NDUFAF7: variants seen among roughly 807,000 people sequenced by gnomAD.
NDUFAF7 encodes the protein NADH:ubiquinone oxidoreductase complex assembly factor 7.
Under a neutral mutation model 47.2 loss-of-function variants are expected in NDUFAF7, and 48 were observed. That is an observed-to-expected ratio of 1.02 (90% CI 0.81 to 1.29). NDUFAF7 has a LOEUF of 1.29. Among genes scored for constraint, NDUFAF7 ranks in the 50% most tolerant of loss-of-function variants. NDUFAF7 has a pLI of 0.00. For synonymous variants in NDUFAF7, 217 were observed against 190.0 expected, an observed-to-expected ratio of 1.14 and a Z score of -1.17; for missense variants, 635 against 537.6, an observed-to-expected ratio of 1.18 and a Z score of -1.79.
intron 1 of NDUFAF7, 128 bp from the exon 2 acceptor site, chr2:37,231,978 C>T: frequency 6.2e-7 from 1 of 1,601,072 alleles, no homozygotes; most frequent in East Asian, 2.2e-5. Context: ...GTGCTAAGCA[C>T]AGTAGCCCGC....
downstream of NDUFAF7, among the ~76,000 whole-genome samples, chr2:37,256,478 A>G (rs191797816): frequency 6.6e-6 from 1 of 152,306 alleles, no homozygotes; most frequent in East Asian, 1.9e-4. Context: ...TACAGAAGAC[A>G]CAGATAAAAG....
At chr2:37,259,821 G>A in the NDUFAF7 span, 1 of 618,494 alleles carries the variant, frequency 1.6e-6, no homozygotes, top group South Asian at 2.2e-5. Flanking sequence ...GCTCCTTAAG[G>A]TTAACAATTC....
At chr2:37,269,709 TTAG>T in the NDUFAF7 span, 1 of 1,513,732 alleles carries the variant, frequency 6.6e-7, no homozygotes, top group Non-Finnish European at 9.1e-7. Context: ...AAGTAAGGAG[TTAG>T]TATTATTTAT....
downstream of NDUFAF7, among the ~76,000 whole-genome samples, chr2:37,249,558 G>GACACACACAC (rs56374800): frequency 0.01 from 1,318 of 128,364 alleles, 23 homozygotes; most frequent in African/African-American, 0.018. Context: ...GCCTGTGATA[G>GACACACACAC]ACACACACAC....
chr2:37,260,834 T>A, the NDUFAF7 span, among the ~76,000 whole-genome samples: 1 of 152,346 alleles, frequency 6.6e-6, no homozygotes, highest in South Asian at 2.1e-4. Flanking sequence ...TTGATTCTTA[T>A]AATATTATAA....
downstream of NDUFAF7, chr2:37,252,044 T>C (rs535343510): frequency 1.3e-5 from 2 of 152,306 alleles, no homozygotes; most frequent in East Asian, 3.9e-4. Context: ...CTTCTTTCAT[T>C]CTTTAATTTG....
chr2:37,245,020 G>C (rs2148433355), intron 7 of NDUFAF7, among the ~76,000 whole-genome samples: 1 of 152,320 alleles, frequency 6.6e-6, no homozygotes, highest in East Asian at 1.9e-4. Flanking sequence ...TGATCAGCGT[G>C]TCCACTGATG....
At chr2:37,242,143 A>G (rs929226119) in intron 5 of NDUFAF7, 28 of 295,534 alleles carry the variant, frequency 9.5e-5, no homozygotes, top group Non-Finnish European at 1.8e-4. Flanking sequence ...GTTCAGTTAT[A>G]GAGTCTTTTA....
At position 37,246,128 on chromosome 2, in the gene NDUFAF7, C is replaced by G; in HGVS notation, c.869C>G (p.Ala290Gly). ...ATCGAGGAACTTTCTCAACGCATTG[C>G]ATTAACTGGAGGTGCTGCACTGGTT... The part of the protein sequence containing the change: ...VIIEELSQRI[A>G]LTGGAALVAD... Residue 290 changes from alanine (A) to glycine (G), a missense_variant, in exon 8 of 10, where the codon GCA becomes GGA. Transcript: ENST00000002125. 6.2e-7 allele frequency: 1 copy of G among 1,613,860 alleles called. No individual in the cohort carries two copies. Among genetic ancestry groups the G allele is most frequent in the Non-Finnish European group, 8.5e-7 (1 of 1,179,856 alleles).
intron 8 of NDUFAF7, 112 bp from the exon 9 acceptor site, chr2:37,247,344 C>G (rs1209810412): frequency 4.2e-5 from 55 of 1,296,900 alleles, no homozygotes; most frequent in Non-Finnish European, 6.0e-5. Context: ...AATGAGAGCT[C>G]TATTCCGTCA....
At chr2:37,269,548 CA>C in the NDUFAF7 span, 1 of 1,369,978 alleles carries the variant, frequency 7.3e-7, no homozygotes, top group Non-Finnish European at 1.0e-6. Flanking sequence ...AAACAGCTGG[CA>C]GATGTTTTAC....
Position 37,248,641 on chromosome 2 carries a change from G to A in NDUFAF7, c.*291G>A, listed in dbSNP as rs1667176064. On this transcript the variant is annotated 3_prime_UTR_variant, in exon 10 of 10. Coordinates refer to ENST00000002125, the MANE Select transcript of NDUFAF7 (RefSeq NM_144736.5). ...TTAAAAAGTAAACATGCGGCTGGGC[G>A]TGGTGGCTCATGCCTGTAATCCCAG... 2.1e-5 allele frequency: 8 copies of A among 379,938 alleles called. No individual in the cohort carries two copies. The highest frequency in any genetic ancestry group is 8.4e-5 in the African/African-American group (4 of 47,650). 23.5% of individuals were successfully genotyped at this position (379,938 alleles called of 1,614,324 possible).
intron 8 of NDUFAF7, 118 bp from the exon 9 acceptor site, chr2:37,247,336 TGA>T (rs1172633931): frequency 9.9e-6 from 12 of 1,215,264 alleles, no homozygotes; most frequent in African/African-American, 1.5e-5. Context: ...AGAGAATTAA[TGA>T]GAGCTCTATT....
chr2:37,267,509 A>G, the NDUFAF7 span: 2 of 1,610,938 alleles, frequency 1.2e-6, no homozygotes, highest in Non-Finnish European at 1.7e-6. Flanking sequence ...TTTAATAGCC[A>G]CATCCCTCCC....
chr2:37,257,440 C>G (rs1477869280), downstream of NDUFAF7, among the ~76,000 whole-genome samples: 2 of 151,768 alleles, frequency 1.3e-5, no homozygotes, highest in African/African-American at 2.4e-5. Flanking sequence ...CCGAGGCGGG[C>G]GGATCACGAG....
At chr2:37,245,469 A>AT (rs1195834698) in intron 7 of NDUFAF7, among the ~76,000 whole-genome samples, 1 of 152,212 alleles carries the variant, frequency 6.6e-6, no homozygotes, top group Non-Finnish European at 1.5e-5. Flanking sequence ...TTAAGTGGAC[A>AT]TCTTGGGGTA....
At chr2:37,263,355 A>G in the NDUFAF7 span, among the ~76,000 whole-genome samples, 10 of 152,204 alleles carry the variant, frequency 6.6e-5, no homozygotes, top group Non-Finnish European at 1.3e-4. Context: ...GAGATCAAAG[A>G]ATACTGTTTA....
chr2:37,257,579 T>G (rs537789917), downstream of NDUFAF7, among the ~76,000 whole-genome samples: 1 of 142,282 alleles, frequency 7.0e-6, no homozygotes, highest in South Asian at 2.2e-4. Flanking sequence ...AGCAGGAGAA[T>G]GGCGTGAACC....
intron 5 of NDUFAF7, 95 bp from the exon 6 acceptor site, chr2:37,242,540 A>T: frequency 1.1e-6 from 1 of 925,112 alleles, no homozygotes; most frequent in Non-Finnish European, 1.7e-6. Flanking sequence ...AGTGATGATT[A>T]TGGAGGAAGT....
Sources: allele counts gnomAD v4.1 joint callset (sites outside exome capture counted in the v4.1 genomes callset), GRCh38; gene constraint gnomAD v4.1.1; transcripts MANE v1.5; gene names NCBI Gene and HGNC (gene_info 2026-07-23, HGNC 2026-07-21).